Variants in KNTC1 observed in about 807,000 individuals in gnomAD.
KNTC1 encodes the protein kinetochore-associated protein 1.
Under a neutral mutation model 314.4 loss-of-function variants are expected in KNTC1, and 253 were observed. That is an observed-to-expected ratio of 0.80 (90% CI 0.73 to 0.89). The LOEUF is 0.89. KNTC1 is among the 40% of genes least tolerant of loss of function. The pLI, the probability that KNTC1 is intolerant of heterozygous loss-of-function variation, is 0.00. For synonymous variants in KNTC1, 901 were observed against 901.4 expected (o/e 1.00, Z 0.01); for missense variants, 2,475 against 2,572.9 (o/e 0.96, Z 0.82).
At chr12:122,604,305 C>A (rs1280441308) in intron 48 of KNTC1, among the ~76,000 whole-genome samples, 1 of 151,416 alleles carries the variant, frequency 6.6e-6, no homozygotes, top group Non-Finnish European at 1.5e-5. Flanking sequence ...TGCCACCATG[C>A]CCAGCTAATT....
intron 27 of KNTC1, among the ~76,000 whole-genome samples, chr12:122,575,002 T>C (rs1259761507): frequency 6.6e-6 from 1 of 152,248 alleles, no homozygotes; most frequent in Non-Finnish European, 1.5e-5. Flanking sequence ...GGCTCATGCC[T>C]GTAATCCCAG....
chr12:122,614,137 C>T (rs1285520847), intron 55 of KNTC1, among the ~76,000 whole-genome samples: 1 of 152,100 alleles, frequency 6.6e-6, no homozygotes, highest in African/African-American at 2.4e-5. Flanking sequence ...GACCCAGGAA[C>T]AGTCTGTATC....
intron 63 of KNTC1, among the ~76,000 whole-genome samples, chr12:122,625,882 T>C (rs1386016627): frequency 6.6e-6 from 1 of 152,212 alleles, no homozygotes; most frequent in Non-Finnish European, 1.5e-5. Context: ...CTAAGTATCG[T>C]GGCTTTTTTC....
At chr12:122,616,591 A>G (rs1190843625) in intron 57 of KNTC1, among the ~76,000 whole-genome samples, 1 of 152,118 alleles carries the variant, frequency 6.6e-6, no homozygotes, top group Non-Finnish European at 1.5e-5. Flanking sequence ...CATGTATGCT[A>G]TGTGTGTGCA....
At chr12:122,585,201 A>G (rs1869062300) in intron 36 of KNTC1, among the ~76,000 whole-genome samples, 1 of 152,024 alleles carries the variant, frequency 6.6e-6, no homozygotes, top group Non-Finnish European at 1.5e-5. Context: ...CATCTGACTA[A>G]TTAAAAAAAA....
intron 31 of KNTC1, among the ~76,000 whole-genome samples, chr12:122,579,030 T>A: frequency 3.7e-4 from 1 of 2,678 alleles, no homozygotes; most frequent in Non-Finnish European, 9.0e-4. Context: ...GTATTCTTTT[T>A]TTTTTTTTTT....
intron 32 of KNTC1, 108 bp downstream of exon 32, chr12:122,580,085 G>T: frequency 2.8e-6 from 2 of 710,164 alleles, no homozygotes; most frequent in Non-Finnish European, 2.4e-6. Context: ...TTCTGGTTCT[G>T]ATTGTCTTTA....
intron 35 of KNTC1, 31 bp downstream of exon 35, chr12:122,584,481 T>C (rs1475276626): frequency 6.5e-7 from 1 of 1,526,720 alleles, no homozygotes; most frequent in African/African-American, 1.4e-5. Flanking sequence ...CGTAGTTTTA[T>C]ATTCTCTGGT....
chr12:122,584,376 CAG>C lies in KNTC1; in HGVS notation c.3363_3364del (p.Val1122AlafsTer12), dbSNP rs1280257243. The C allele has an allele frequency of 1.9e-6, 3 of 1,613,762 alleles. No individual in the cohort carries two copies. The highest frequency in any genetic ancestry group is 2.5e-6 in the Non-Finnish European group (3 of 1,179,720). ...ATGTTGGCTGATAATGTCCCAGTGA[CAG>C]TGCCTGTGGGACTGAATCTTCCTTC... On this transcript the variant is annotated frameshift_variant, in exon 35 of 64. Coordinates refer to ENST00000333479, the MANE Select transcript of KNTC1 (RefSeq NM_014708.6). LOFTEE classifies it high-confidence loss of function.
intron 21 of KNTC1, among the ~76,000 whole-genome samples, chr12:122,568,975 A>G (rs1964515799): frequency 6.6e-6 from 1 of 152,214 alleles, no homozygotes; most frequent in African/African-American, 2.4e-5. Flanking sequence ...GAGCTAAATG[A>G]TGAGAACACG....
At chr12:122,589,927 G>T in intron 40 of KNTC1, among the ~76,000 whole-genome samples, 1 of 151,662 alleles carries the variant, frequency 6.6e-6, no homozygotes, top group Admixed American at 6.6e-5. Context: ...GGGACTACAG[G>T]TGCCCACCAC....
intron 20 of KNTC1, among the ~76,000 whole-genome samples, chr12:122,565,240 G>GTTTT (rs34289528): frequency 1.1e-4 from 11 of 99,310 alleles, no homozygotes; most frequent in South Asian, 1.1e-3. Flanking sequence ...CTCTTGAGTT[G>GTTTT]TTTTTTTTTT....
chr12:122,596,666 G>GC (rs1871102911), intron 43 of KNTC1, among the ~76,000 whole-genome samples: 1 of 151,988 alleles, frequency 6.6e-6, no homozygotes, highest in Non-Finnish European at 1.5e-5. Flanking sequence ...CATAGTGAGA[G>GC]CCCCATCTCT....
At chr12:122,552,460 G>A (rs1187064465) in intron 16 of KNTC1, among the ~76,000 whole-genome samples, 8 of 152,152 alleles carry the variant, frequency 5.3e-5, no homozygotes, top group South Asian at 4.1e-4. Flanking sequence ...GACCTCCCAG[G>A]CTCAAGTGAT....
In KNTC1 at chr12:122,584,395, T is replaced by C; in HGVS notation, c.3381T>C (p.Asn1127=). The C allele has an allele frequency of 6.2e-7, 1 of 1,613,662 alleles. No individual in the cohort carries two copies. The highest frequency in any genetic ancestry group is 1.3e-5 in the African/African-American group (1 of 75,052). Residue 1127 remains asparagine, a synonymous_variant, in exon 35 of 64, where the codon AAT becomes AAC. Transcript: ENST00000333479. The part of the protein sequence containing the change: ...NVPVTVPVGL[N]LPSMIHDLAS... ...CAGTGACAGTGCCTGTGGGACTGAA[T>C]CTTCCTTCCATGATACATGATCTAG...
At chr12:122,613,089 C>A (rs748402252) in intron 53 of KNTC1, 23 bp from the exon 54 acceptor site, 8 of 1,400,456 alleles carry the variant, frequency 5.7e-6, no homozygotes, top group Non-Finnish European at 8.1e-6. Context: ...GTTCAACTCT[C>A]CAAACCTCTT....
intron 18 of KNTC1, among the ~76,000 whole-genome samples, chr12:122,559,302 C>T (rs760000274): frequency 7.2e-5 from 11 of 151,954 alleles, no homozygotes; most frequent in Non-Finnish European, 1.5e-4. Flanking sequence ...GAGCTGAGAT[C>T]GCGCTTCCAG....
Position 122,584,940 on chromosome 12 carries a change from G to A in KNTC1, c.3484G>A (p.Val1162Ile), listed in dbSNP as rs1038774403. 3.1e-6 allele frequency: 5 copies of A among 1,605,842 alleles called. No homozygotes were observed. The highest frequency in any genetic ancestry group is 1.6e-4 in the Middle Eastern group (1 of 6,066). The change falls in exon 36 of 64, where the codon GTA becomes ATA. Residue 1162 changes from valine (V) to isoleucine (I), a missense_variant. Transcript: ENST00000333479. ...LELCKHTLMA[V>I]ELSRQCQMDD... ...ACTATGTAAACATACTTTAATGGCT[G>A]TAGAGCTTTCCAGACAATGCCAAAT...
intron 12 of KNTC1, 95 bp from the exon 13 acceptor site, chr12:122,549,671 C>T (rs1450640711): frequency 2.9e-6 from 2 of 697,752 alleles, no homozygotes; most frequent in Admixed American, 4.5e-5. Flanking sequence ...CAGCCGCTCC[C>T]ATGTGTTTTA....
Sources: gnomAD v4.1 joint callset for allele counts (sites outside exome capture counted in the v4.1 genomes callset) on GRCh38, gnomAD v4.1.1 for gene constraint, MANE v1.5 for transcripts, NCBI Gene and HGNC (gene_info 2026-07-23, HGNC 2026-07-21) for gene names.